Variants in NOS3 observed in about 807,000 individuals in gnomAD.
The protein encoded by NOS3 is NOS type III.
Under a neutral mutation model 144.9 loss-of-function variants are expected in NOS3, and 98 were observed. The observed-to-expected ratio is 0.68, with a 90% CI of 0.57 to 0.80. NOS3 has a LOEUF of 0.80. NOS3 is among the 30% of genes least tolerant of loss of function. NOS3 has a pLI of 0.00. For missense variants in NOS3, 1,465 were observed against 1,656.4 expected (o/e 0.88, Z 2.01); for synonymous variants, 714 against 702.4 (o/e 1.02, Z -0.26).
In NOS3 at chr7:151,007,034, G is replaced by A. The variant is rs547152209; in HGVS notation, c.1937+29G>A. 68 of 1,613,862 alleles carry A rather than the reference G, an allele frequency of 4.2e-5. No homozygotes were observed. In the Middle Eastern group the frequency reaches 5.0e-4, roughly 12 times the overall value. On this transcript the variant is annotated intron_variant, in intron 16 of 26. Coordinates refer to ENST00000297494, the MANE Select transcript of NOS3 (RefSeq NM_000603.5). ...AGGGCCTCACCAAGAGGGGTGCAACGGGTGGGCAAGCTGCCTGGGCAAACG... is the reference window on the plus strand; with the variant it reads ...AGGGCCTCACCAAGAGGGGTGCAACAGGTGGGCAAGCTGCCTGGGCAAACG...
At chr7:151,010,365 C>T (rs1795278645) in intron 21 of NOS3, 78 bp downstream of exon 21, 1 of 1,374,090 alleles carries the variant, frequency 7.3e-7, no homozygotes, top group Non-Finnish European at 1.0e-6. Context: ...AGGAAACCCC[C>T]ATGCAAAGTC....
At chr7:151,005,580 T>G (rs967891373) in intron 14 of NOS3, among the ~76,000 whole-genome samples, 4 of 152,214 alleles carry the variant, frequency 2.6e-5, no homozygotes, top group African/African-American at 9.6e-5. Context: ...TGCCCTCCCC[T>G]GCAGCTGCGA....
chr7:151,001,662 C>T, intron 12 of NOS3, 45 bp downstream of exon 12: 1 of 1,574,344 alleles, frequency 6.4e-7, no homozygotes, highest in Non-Finnish European at 8.7e-7. Flanking sequence ...ACCCTGGGGG[C>T]CCCACTCTCC....
At chr7:151,010,502 G>A in intron 21 of NOS3, 95 bp from the exon 22 acceptor site, 3 of 1,297,868 alleles carry the variant, frequency 2.3e-6, no homozygotes, top group Non-Finnish European at 3.1e-6. Flanking sequence ...TGAGCAGGGA[G>A]AAACCCTAAA....
rs764814991 is a variant in NOS3 at position 151,007,192 on chromosome 7, G to A, written c.2028G>A (p.Gly676=). ...AVDTRLEELG[G]ERLLQLGQGD... is the part of the protein sequence containing the mutation. ...ACACACGGCTGGAGGAACTGGGCGG[G>A]GAGCGGCTGCTGCAGCTGGGCCAGG... The change falls in exon 17 of 27, where the codon GGG becomes GGA. Residue 676 remains glycine (G), a synonymous_variant. Coordinates refer to ENST00000297494, the MANE Select transcript of NOS3 (RefSeq NM_000603.5). 4 of 1,612,764 alleles carry A rather than the reference G, an allele frequency of 2.5e-6. No homozygotes were observed. The African/African-American group carries it at 5.3e-5, about 22-fold the overall frequency.
chr7:151,012,985 G>A lies in NOS3; in HGVS notation c.3107-246G>A, dbSNP rs558973131. ...GGCATGGAATTCTGAGTCCGAAGCC[G>A]CGCATTCTAGCGCAGCTCCACCAGG... On this transcript the variant is annotated intron_variant, in intron 24 of 26. Transcript: ENST00000297494. 1.9e-5 allele frequency: 10 copies of A among 523,754 alleles called. No individual in the cohort carries two copies. The South Asian group carries it at 2.5e-4, about 13-fold the overall frequency. 32.4% of individuals were successfully genotyped at this position (523,754 alleles called of 1,614,324 possible).
intron 23 of NOS3, 21 bp downstream of exon 23, chr7:151,011,007 G>T (rs200294802): frequency 1.3e-6 from 2 of 1,577,276 alleles, no homozygotes; most frequent in South Asian, 2.2e-5. Context: ...TGGAAGACTT[G>T]GTGGGGAGCT....
At position 151,002,159 on chromosome 7, in the gene NOS3, G is replaced by A. The variant is rs761520214; in HGVS notation, c.1648-41G>A. 1.4e-5 allele frequency: 21 copies of A among 1,455,224 alleles called. No individual in the cohort carries two copies. The highest frequency in any genetic ancestry group is 7.1e-5 in the East Asian group (3 of 41,986). 90.1% of individuals were successfully genotyped at this position (1,455,224 alleles called of 1,614,324 possible). ...CCAGAGTGAGGAGGGCAGGGCCTCC[G>A]GGGGCCACAGCACCCAGGACATCTG... On this transcript the variant is annotated intron_variant, in intron 13 of 26. Coordinates refer to ENST00000297494, the MANE Select transcript of NOS3 (RefSeq NM_000603.5). This position sits in a 1 kb window ranked among gnomAD's most constrained non-coding sequence, Gnocchi z 4.1.
chr7:151,014,093 C>A lies in NOS3; in HGVS notation c.3536C>A (p.Ser1179Tyr). 1 of 1,613,842 alleles carries A rather than the reference C, an allele frequency of 6.2e-7. No individual in the cohort carries two copies. Among genetic ancestry groups the A allele is most frequent in the Non-Finnish European group, 8.5e-7 (1 of 1,179,902 alleles). ...AGCCGCATACGCACCCAGAGCTTTT[C>A]CTTGCAGGAGCGTCAGTTGCGGGGC... Reference protein sequence around the residue: ...VTSRIRTQSFSLQERQLRGAV... With the variant: ...VTSRIRTQSFYLQERQLRGAV... Residue 1179 changes from serine to tyrosine, a missense_variant, in exon 27 of 27, where the codon TCC becomes TAC. Physicochemically the swap from Ser to Tyr is moderately radical, Grantham distance 144 (BLOSUM62 -2). This residue lies in a region of NOS3 where 228 missense variants were observed against 227.7 expected (regional missense o/e 1.00). Transcript: ENST00000297494.
Position 151,009,384 on chromosome 7 carries a change from C to CT in NOS3, c.2325-13dup, listed in dbSNP as rs1337769845. The CT allele has an allele frequency of 7.4e-7, 1 of 1,344,070 alleles. No individual in the cohort carries two copies. Among genetic ancestry groups the CT allele is most frequent in the African/African-American group, 1.4e-5 (1 of 70,040 alleles). 83.3% of individuals were successfully genotyped at this position (1,344,070 alleles called of 1,614,324 possible). A position where few individuals can be genotyped will look rare whatever the true frequency, so the allele number is the denominator to read the frequency against. On this transcript the variant is annotated splice_polypyrimidine_tract_variant and intron_variant, in intron 19 of 26. Transcript: ENST00000297494. ...TCTCTGACTCCCCATAAGTGCCCCT[C>CT]TCCCCACCCCCAGGAGGGCCACCAT...
At chr7:151,006,402 C>T in intron 14 of NOS3, 25 bp from the exon 15 acceptor site, 2 of 1,600,072 alleles carry the variant, frequency 1.2e-6, no homozygotes, top group Non-Finnish European at 1.7e-6. Flanking sequence ...AAAACTAACC[C>T]TGATGCAAAC....
At chr7:151,008,621 G>C (rs1795241422) in intron 17 of NOS3, among the ~76,000 whole-genome samples, 1 of 152,238 alleles carries the variant, frequency 6.6e-6, no homozygotes, top group South Asian at 2.1e-4. Context: ...ATGCAGGTCT[G>C]AACACACAGA....
Position 151,003,273 on chromosome 7 carries a change from A to G in NOS3, c.1752+969A>G, listed in dbSNP as rs1486197533. The G allele has an allele frequency of 6.4e-6, 3 of 471,316 alleles. No homozygotes were observed. Among genetic ancestry groups the G allele is most frequent in the South Asian group, 4.7e-5 (3 of 64,376 alleles). The allele number at this position is 471,316 out of a possible 1,614,324, so 29.2% of individuals were successfully genotyped here. On this transcript the variant is annotated intron_variant, in intron 14 of 26. Transcript: ENST00000297494. The surrounding 1 kb of genome is among the most constrained non-coding windows in gnomAD (Gnocchi z 4.1). ...CCCAAGTAGTTGGGACTACAGGCGC[A>G]TGCCATGATGCCTAGCTAATTTTTG...
In NOS3 at chr7:150,998,252, T is replaced by A; in HGVS notation, c.583-105T>A. 1 of 966,256 alleles carries A rather than the reference T, an allele frequency of 1.0e-6. No individual in the cohort carries two copies. Among genetic ancestry groups the A allele is most frequent in the Non-Finnish European group, 1.6e-6 (1 of 634,788 alleles). The allele number at this position is 966,256 out of a possible 1,614,324, so 59.9% of individuals were successfully genotyped here. On this transcript the variant is annotated intron_variant, in intron 5 of 26. Transcript: ENST00000297494. This position sits in a 1 kb window ranked among gnomAD's most constrained non-coding sequence, Gnocchi z 5.0. Reference sequence around the variant, plus strand: ...CAATGGTCAGGAGGGCGCCATGGAGTGAACCATGGCCCCTGCCTCCTCACC... The same window carrying A: ...CAATGGTCAGGAGGGCGCCATGGAGAGAACCATGGCCCCTGCCTCCTCACC...
chr7:151,010,518 T>C, intron 21 of NOS3, 79 bp from the exon 22 acceptor site: 1 of 1,368,036 alleles, frequency 7.3e-7, no homozygotes, highest in Non-Finnish European at 9.9e-7. Flanking sequence ...CTAAAGAGGC[T>C]CAGTGGGGGA....
At chr7:151,001,160 G>A (rs1795083709) in intron 10 of NOS3, 71 bp from the exon 11 acceptor site, 4 of 1,508,502 alleles carry the variant, frequency 2.7e-6, no homozygotes, top group Non-Finnish European at 3.6e-6. Context: ...GGGGTGACCG[G>A]AGTGGTGGAG....
chr7:151,006,749 C>A, intron 15 of NOS3, 140 bp from the exon 16 acceptor site: 2 of 755,742 alleles, frequency 2.6e-6, no homozygotes, highest in South Asian at 1.6e-5. Flanking sequence ...CCCAGGGATG[C>A]TGGCCCTCAG....
intron 2 of NOS3, among the ~76,000 whole-genome samples, chr7:150,994,950 C>T (rs1350156884): frequency 6.6e-6 from 1 of 152,172 alleles, no homozygotes; most frequent in Non-Finnish European, 1.5e-5. Context: ...GTGGGCGCTG[C>T]AGGTGGGATG....
In NOS3 at chr7:151,002,127, A is replaced by G; in HGVS notation, c.1648-73A>G. ...GTTGGGGCCTGAATCTTGCACTGCC[A>G]GGGAGGCCAGAGTGAGGAGGGCAGG... On this transcript the variant is annotated intron_variant, in intron 13 of 26. Coordinates refer to ENST00000297494, the MANE Select transcript of NOS3 (RefSeq NM_000603.5). This position sits in a 1 kb window ranked among gnomAD's most constrained non-coding sequence, Gnocchi z 4.1. The G allele has an allele frequency of 7.1e-7, 1 of 1,401,144 alleles. No individual in the cohort carries two copies. 86.8% of individuals were successfully genotyped at this position (1,401,144 alleles called of 1,614,324 possible). A position where few individuals can be genotyped will look rare whatever the true frequency, so the allele number is the denominator to read the frequency against.
Sources: allele counts gnomAD v4.1 joint callset (sites outside exome capture counted in the v4.1 genomes callset), GRCh38; gene constraint gnomAD v4.1.1; regional missense constraint gnomAD v4.1.1; non-coding constraint Gnocchi (gnomAD v3.1); transcripts MANE v1.5; gene names NCBI Gene and HGNC (gene_info 2026-07-23, HGNC 2026-07-21).